Variants in NPIPB11 observed in about 807,000 individuals in gnomAD.
NPIPB11 encodes the protein nuclear pore complex interacting protein family member B11.
NPIPB11 carries 17 observed loss-of-function variants against 32.8 expected under a neutral mutation model. That is an observed-to-expected ratio of 0.52 (90% CI 0.35 to 0.78). The LOEUF (loss-of-function observed/expected upper bound fraction) is 0.78. Among genes scored for constraint, NPIPB11 ranks in the 30% least tolerant of loss-of-function variants. The pLI is 0.01. For missense variants in NPIPB11, 537 were observed against 1,000.4 expected (o/e 0.54, Z 6.25); for synonymous variants, 209 against 398.4 (o/e 0.52, Z 5.66).
intron 2 of NPIPB11, among the ~76,000 whole-genome samples, chr16:29,398,599 G>A (rs1000995899): frequency 6.6e-6 from 1 of 151,858 alleles, no homozygotes; most frequent in Admixed American, 6.6e-5. Context: ...ATATATTTGA[G>A]AGCAATCAAA....
intron 3 of NPIPB11, 87 bp downstream of exon 3, chr16:29,393,861 A>C (rs1963781205): frequency 8.0e-7 from 1 of 1,246,430 alleles, no homozygotes; most frequent in Non-Finnish European, 1.1e-6. Context: ...CATATTCATA[A>C]TGAAGTCCAG....
rs1159719511 is a variant in NPIPB11 at position 29,402,150 on chromosome 16, C to G, written c.120+1533G>C. ...GAGGTGGCTATACCATCTCAGGTTG[C>G]AGAGAGAATTAAATGAAATATAAGT... On this transcript the variant is annotated intron_variant, in intron 2 of 7. Coordinates refer to ENST00000524087, the Ensembl canonical transcript of NPIPB11. Among the ~76,000 whole-genome samples, 12 of 146,932 alleles carry G rather than the reference C, an allele frequency of 8.2e-5. No homozygotes were observed. The East Asian group carries it at 1.9e-3, about 23-fold the overall frequency.
intron 2 of NPIPB11, among the ~76,000 whole-genome samples, chr16:29,401,821 G>T (rs1963998441): frequency 6.6e-6 from 1 of 151,992 alleles, no homozygotes; most frequent in South Asian, 2.1e-4. Flanking sequence ...CTCGTGGCAG[G>T]ATGAGGGCAT....
rs527380743 is a variant in NPIPB11 at position 29,389,223 on chromosome 16, A to T, written c.545+718T>A. Among the ~76,000 whole-genome samples, 424 of 106,454 alleles carry T rather than the reference A, an allele frequency of 4.0e-3. 4 individuals carry two copies. Among genetic ancestry groups the T allele is most frequent in the Non-Finnish European group, 7.3e-3 (337 of 46,196 alleles). The allele number at this position is 106,454 out of a possible 152,430, so 69.8% of individuals were successfully genotyped here. ...AAAAAAAAAAAAAAAAAATTGGTCA[A>T]ATGTGGTGGCACACAGCTGTAATCC... On this transcript the variant is annotated intron_variant, in intron 5 of 7. Coordinates refer to ENST00000524087, the Ensembl canonical transcript of NPIPB11.
chr16:29,393,343 G>A (rs957822100), intron 3 of NPIPB11, among the ~76,000 whole-genome samples: 5 of 151,166 alleles, frequency 3.3e-5, no homozygotes, highest in African/African-American at 9.8e-5. Flanking sequence ...TTTGTCTCAG[G>A]CCAATTGTTT....
exon 3 of NPIPB11, chr16:29,394,019 A>G (rs1250270735): frequency 6.3e-7 from 1 of 1,599,416 alleles, no homozygotes; most frequent in African/African-American, 1.3e-5. Flanking sequence ...ATATGTAACC[A>G]AGGACTTCCA....
intron 3 of NPIPB11, among the ~76,000 whole-genome samples, chr16:29,391,587 C>G (rs909792214): frequency 2.6e-5 from 4 of 151,460 alleles, no homozygotes; most frequent in Non-Finnish European, 5.9e-5. Context: ...TGAATTCCCA[C>G]CAAGATTTCC....
chr16:29,402,006 G>A (rs974547863), intron 2 of NPIPB11, among the ~76,000 whole-genome samples: 7 of 151,442 alleles, frequency 4.6e-5, no homozygotes, highest in East Asian at 2.0e-4. Flanking sequence ...CTAGCCTGCC[G>A]TCAGAACATG....
At chr16:29,404,615 C>T (rs1158098571), upstream of NPIPB11, among the ~76,000 whole-genome samples, 1 of 148,852 alleles carries the variant, frequency 6.7e-6, no homozygotes, top group Admixed American at 6.8e-5. Context: ...GCCAGCTATG[C>T]TCTGTCTCCA....
intron 2 of NPIPB11, among the ~76,000 whole-genome samples, chr16:29,395,002 TC>T (rs1050412804): frequency 6.9e-6 from 1 of 144,774 alleles, no homozygotes; most frequent in African/African-American, 2.6e-5. Flanking sequence ...CGCCTCAGCC[TC>T]CCAAAGTGCT....
At position 29,391,991 on chromosome 16, in the gene NPIPB11, G is replaced by A. The variant is rs552752715; in HGVS notation, c.250-1643C>T. On this transcript the variant is annotated intron_variant, in intron 3 of 7. Coordinates refer to ENST00000524087, the Ensembl canonical transcript of NPIPB11. ...CTGCCTCAGCCTCCCAAAGTGCTGG[G>A]ATTACAGGCATGAGCCACCACACCT... Among the ~76,000 whole-genome samples, 285 of 152,122 alleles carry A rather than the reference G, an allele frequency of 1.9e-3. 5 individuals are homozygous for A. The highest frequency in any genetic ancestry group is 6.5e-3 in the African/African-American group (269 of 41,480).
rs752357937 is a variant in NPIPB11, at chr16:29,390,363, T to C, written c.250-15A>G. The C allele has an allele frequency of 1.4e-5, 19 of 1,362,000 alleles. No homozygotes were observed. The highest frequency in any genetic ancestry group is 1.9e-5 in the Non-Finnish European group (18 of 968,948). The allele number at this position is 1,362,000 out of a possible 1,614,324, so 84.4% of individuals were successfully genotyped here. A position where few individuals can be genotyped will look rare whatever the true frequency, so the allele number is the denominator to read the frequency against. ...AGGAGAGACACCTAGGAAATAATAATATAAGAATGACGGCTGGGCACGGTG... is the reference window on the plus strand; with the variant it reads ...AGGAGAGACACCTAGGAAATAATAACATAAGAATGACGGCTGGGCACGGTG... On this transcript the variant is annotated splice_polypyrimidine_tract_variant and intron_variant, in intron 3 of 7. Coordinates refer to ENST00000524087, the Ensembl canonical transcript of NPIPB11.
intron 2 of NPIPB11, among the ~76,000 whole-genome samples, chr16:29,401,622 G>A (rs970651631): frequency 1.3e-5 from 2 of 152,140 alleles, no homozygotes; most frequent in Non-Finnish European, 2.9e-5. Context: ...AGTCCACCGA[G>A]TATTTCAGGT....
intron 2 of NPIPB11, among the ~76,000 whole-genome samples, chr16:29,397,300 G>C (rs1387964958): frequency 6.6e-6 from 1 of 151,814 alleles, no homozygotes; most frequent in African/African-American, 2.4e-5. Context: ...TCCAGCTCCT[G>C]GGCCCAAGCG....
At chr16:29,399,224 TCA>T (rs995166685) in intron 2 of NPIPB11, among the ~76,000 whole-genome samples, 1 of 152,144 alleles carries the variant, frequency 6.6e-6, no homozygotes, top group African/African-American at 2.4e-5. Context: ...TTCTGCCCGA[TCA>T]CACAGAGTGT....
intron 3 of NPIPB11, among the ~76,000 whole-genome samples, chr16:29,393,362 G>A (rs1291043795): frequency 2.0e-5 from 3 of 150,944 alleles, no homozygotes; most frequent in African/African-American, 4.9e-5. Context: ...TTGTTCCTTG[G>A]CCTCTTTCAT....
chr16:29,405,816 T>C (rs984756870), upstream of NPIPB11, among the ~76,000 whole-genome samples: 2 of 152,194 alleles, frequency 1.3e-5, no homozygotes, highest in African/African-American at 4.8e-5. Flanking sequence ...TTCTCATGTG[T>C]AATCAGGTGG....
In NPIPB11 at chr16:29,389,668, GAAAAAAAA is replaced by G. The variant is rs1160526743; in HGVS notation, c.545+265_545+272del. 4.0e-4 allele frequency among the ~76,000 whole-genome samples: 7 copies of G among 17,290 alleles called. No individual in the cohort carries two copies. In the East Asian group the frequency reaches 0.011, roughly 27 times the overall value. 11.3% of individuals were successfully genotyped at this position (17,290 alleles called of 152,430 possible). On this transcript the variant is annotated intron_variant, in intron 5 of 7. Coordinates refer to ENST00000524087, the Ensembl canonical transcript of NPIPB11. ...CAACAACAGCAAAGCTCCATCTCAG[GAAAAAAAA>G]AAAAAAAAAAAAAAAAAAAAAAGAG... is the stretch of plus-strand genomic sequence containing the variant.
chr16:29,397,086 G>A (rs972917722), intron 2 of NPIPB11, among the ~76,000 whole-genome samples: 30 of 150,338 alleles, frequency 2.0e-4, no homozygotes, highest in Non-Finnish European at 3.3e-4. Context: ...CAGGACAATT[G>A]CTTGAACCCC....
Sources: gnomAD v4.1 joint callset for allele counts (sites outside exome capture counted in the v4.1 genomes callset) on GRCh38, gnomAD v4.1.1 for gene constraint, MANE v1.5 for transcripts, NCBI Gene and HGNC (gene_info 2026-07-23, HGNC 2026-07-21) for gene names.